The following CHLSN variants were observed in gnomAD, a reference collection of about 807,000 sequenced individuals.
CHLSN encodes the protein cholesin.
the CHLSN span, among the ~76,000 whole-genome samples, chr7:1,130,237 C>T: frequency 3.9e-5 from 6 of 152,212 alleles, no homozygotes; most frequent in African/African-American, 1.4e-4. Context: ...GAACCCGTGT[C>T]CTTTGTGGAC....
the CHLSN span, among the ~76,000 whole-genome samples, chr7:1,038,310 G>A: frequency 1.7e-4 from 17 of 98,440 alleles, 1 homozygote; most frequent in Admixed American, 4.8e-4. Flanking sequence ...AGGTGGGGGG[G>A]TCAGCCCCCC....
the CHLSN span, among the ~76,000 whole-genome samples, chr7:999,864 C>T: frequency 6.6e-6 from 1 of 152,260 alleles, no homozygotes; most frequent in Non-Finnish European, 1.5e-5. Context: ...CTCCAGCCCG[C>T]CGCCCAGCAG....
the CHLSN span, among the ~76,000 whole-genome samples, chr7:998,523 C>T: frequency 6.9e-5 from 10 of 144,214 alleles, no homozygotes; most frequent in Non-Finnish European, 1.0e-4. Flanking sequence ...TGCAGTGGCA[C>T]GATCTCCACC....
chr7:1,070,797 G>C, the CHLSN span, among the ~76,000 whole-genome samples: 5 of 132,158 alleles, frequency 3.8e-5, no homozygotes, highest in Admixed American at 2.2e-4. Context: ...ACACGCACGT[G>C]CACACATGCA....
the CHLSN span, among the ~76,000 whole-genome samples, chr7:995,536 C>T: frequency 1.3e-5 from 2 of 152,266 alleles, no homozygotes; most frequent in Admixed American, 1.3e-4. Context: ...CTGGAGGCTG[C>T]TGCCCCTTCT....
the CHLSN span, among the ~76,000 whole-genome samples, chr7:1,099,737 C>T: frequency 6.6e-6 from 1 of 152,204 alleles, no homozygotes; most frequent in East Asian, 1.9e-4. Flanking sequence ...TGGGCGTTGC[C>T]GTCTGACCTG....
the CHLSN span, among the ~76,000 whole-genome samples, chr7:1,013,449 A>G: frequency 1.3e-5 from 2 of 152,172 alleles, no homozygotes; most frequent in African/African-American, 4.8e-5. Flanking sequence ...TAGGATGCAA[A>G]GCCTGGCGCA....
At chr7:1,136,149 AAT>A in the CHLSN span, among the ~76,000 whole-genome samples, 115 of 92,004 alleles carry the variant, frequency 1.2e-3, 2 homozygotes, top group Middle Eastern at 0.013. Context: ...TAAATATATA[AAT>A]ATATATACAT....
At chr7:1,097,452 G>A in the CHLSN span, among the ~76,000 whole-genome samples, 2 of 152,216 alleles carry the variant, frequency 1.3e-5, no homozygotes, top group African/African-American at 2.4e-5. The surrounding 1 kb of genome is among the most constrained non-coding windows in gnomAD (Gnocchi z 4.3). Context: ...GCAGGAGTCT[G>A]CAAGTCTACT....
chr7:986,512 A>T, the CHLSN span: 467 of 1,284,132 alleles, frequency 3.6e-4, no homozygotes, highest in Non-Finnish European at 4.7e-4. Context: ...CCTCCAGCAC[A>T]TCCACCCAGA....
At chr7:1,077,190 C>T in the CHLSN span, among the ~76,000 whole-genome samples, 1 of 152,248 alleles carries the variant, frequency 6.6e-6, no homozygotes, top group South Asian at 2.1e-4. Context: ...GAGTCTCTCT[C>T]TGTCGCCCAG....
At chr7:1,055,195 C>T in the CHLSN span, 1 of 468,096 alleles carries the variant, frequency 2.1e-6, no homozygotes, top group East Asian at 7.0e-5. Context: ...CCCCTCGTTT[C>T]TGGAACCCGG....
At chr7:1,133,406 A>AC in the CHLSN span, among the ~76,000 whole-genome samples, 5 of 151,714 alleles carry the variant, frequency 3.3e-5, no homozygotes, top group East Asian at 9.7e-4. Flanking sequence ...AAAAAAAAAA[A>AC]AAAAAAACTA....
chr7:1,111,689 C>G, the CHLSN span, among the ~76,000 whole-genome samples: 1 of 152,128 alleles, frequency 6.6e-6, no homozygotes, highest in South Asian at 2.1e-4. Flanking sequence ...GTGGTCCCAG[C>G]TACTTGGGAG....
chr7:1,060,688 G>C, the CHLSN span, among the ~76,000 whole-genome samples: 1 of 152,226 alleles, frequency 6.6e-6, no homozygotes, highest in Admixed American at 6.5e-5. Context: ...AGGCTCCTAA[G>C]CCGTGGGATT....
the CHLSN span, among the ~76,000 whole-genome samples, chr7:1,008,844 C>CACACACGT: frequency 2.9e-5 from 4 of 139,136 alleles, no homozygotes; most frequent in Non-Finnish European, 6.4e-5. Flanking sequence ...TATACACACG[C>CACACACGT]ACACACGTAA....
At chr7:1,119,889 A>AAG in the CHLSN span, among the ~76,000 whole-genome samples, 27,747 of 150,174 alleles carry the variant, frequency 0.18, 3,007 homozygotes, top group Middle Eastern at 0.32. Context: ...AAAAAAAAAA[A>AAG]GGGGGATAGA....
the CHLSN span, among the ~76,000 whole-genome samples, chr7:1,070,856 A>G: frequency 1.4e-5 from 2 of 147,238 alleles, no homozygotes. Flanking sequence ...GCACACGGAC[A>G]TGCACACGGG....
chr7:1,124,688 A>G, the CHLSN span, among the ~76,000 whole-genome samples: 1 of 151,562 alleles, frequency 6.6e-6, no homozygotes, highest in Non-Finnish European at 1.5e-5. Flanking sequence ...CAATGTGCAC[A>G]TGTACCCTAA....
Sources: gnomAD v4.1 joint callset for allele counts (sites outside exome capture counted in the v4.1 genomes callset) on GRCh38, gnomAD v4.1.1 for gene constraint, Gnocchi (gnomAD v3.1) non-coding constraint, MANE v1.5 for transcripts, NCBI Gene and HGNC (gene_info 2026-07-23, HGNC 2026-07-21) for gene names.